MCPH1: variants seen among roughly 807,000 people sequenced by gnomAD.
MCPH1 encodes microcephalin.
A neutral mutation model predicts 84.5 loss-of-function variants in MCPH1; 104 were observed. That is an observed-to-expected ratio of 1.23 (90% CI 1.05 to 1.45). The LOEUF (loss-of-function observed/expected upper bound fraction) is 1.45. Ranked by LOEUF, MCPH1 falls within the 40% of genes most tolerant of loss-of-function variation. The probability of loss-of-function intolerance (pLI) is 0.00; values close to 1 mark genes in which losing one functional copy is unlikely to be tolerated. For synonymous variants in MCPH1, 514 were observed against 366.8 expected, an observed-to-expected ratio of 1.40 and a Z score of -4.58; for missense variants, 1,498 against 1,005.7, an observed-to-expected ratio of 1.49 and a Z score of -6.62.
rs184978647 is a variant in MCPH1 at position 6,526,827 on chromosome 8, C to G, written c.2214+26898C>G. 1.4e-3 allele frequency among the ~76,000 whole-genome samples: 219 copies of G among 152,318 alleles called. 2 individuals carry two copies. Among genetic ancestry groups the G allele is most frequent in the East Asian group, 1.5e-3 (8 of 5,192 alleles). Reference sequence around the variant, plus strand: ...CCAGGTATGTGCATAAAATTATCCTCTTTTGTCCCAAGTGGAACAGACATA... The same window carrying G: ...CCAGGTATGTGCATAAAATTATCCTGTTTTGTCCCAAGTGGAACAGACATA... On this transcript the variant is annotated intron_variant, in intron 12 of 13. Transcript: ENST00000344683.
At chr8:6,632,431 A>T (rs1284480516) in intron 13 of MCPH1, among the ~76,000 whole-genome samples, 1 of 152,226 alleles carries the variant, frequency 6.6e-6, no homozygotes, top group Non-Finnish European at 1.5e-5. Flanking sequence ...ACAGGAAAAA[A>T]AAAGAAATCT....
intron 12 of MCPH1, among the ~76,000 whole-genome samples, chr8:6,503,902 G>T (rs1373579810): frequency 6.6e-6 from 1 of 152,180 alleles, no homozygotes; most frequent in Non-Finnish European, 1.5e-5. Flanking sequence ...ACAGGAGCAT[G>T]CTGGGGTTTG....
chr8:6,505,447 A>C lies in MCPH1; in HGVS notation c.2214+5518A>C, dbSNP rs1449726272. On this transcript the variant is annotated intron_variant, in intron 12 of 13. Coordinates refer to ENST00000344683, the MANE Select transcript of MCPH1 (RefSeq NM_024596.5). ...TAAAGAATATATATATTCTTTATATACATATAGAATATATATATTCTTTAC... is the reference window on the plus strand; with the variant it reads ...TAAAGAATATATATATTCTTTATATCCATATAGAATATATATATTCTTTAC... Among the ~76,000 whole-genome samples, 10 of 84,262 alleles carry C rather than the reference A, an allele frequency of 1.2e-4. No individual in the cohort carries two copies. The Admixed American group carries it at 1.3e-3, about 11-fold the overall frequency. The allele number at this position is 84,262 out of a possible 152,430, so 55.3% of individuals were successfully genotyped here. A position where few individuals can be genotyped will look rare whatever the true frequency, so the allele number is the denominator to read the frequency against.
intron 12 of MCPH1, among the ~76,000 whole-genome samples, chr8:6,551,555 T>G (rs1162924667): frequency 6.6e-6 from 1 of 152,206 alleles, no homozygotes; most frequent in Non-Finnish European, 1.5e-5. Context: ...CTGATTAGTC[T>G]TAATTTTTTT....
At chr8:6,453,625 G>A (rs573329625) in intron 8 of MCPH1, among the ~76,000 whole-genome samples, 1 of 152,098 alleles carries the variant, frequency 6.6e-6, no homozygotes. Context: ...CTGCTTTTCC[G>A]ATTTTGACAC....
intron 12 of MCPH1, among the ~76,000 whole-genome samples, chr8:6,506,976 C>T (rs925088659): frequency 2.0e-5 from 3 of 151,950 alleles, no homozygotes; most frequent in African/African-American, 7.3e-5. Flanking sequence ...CGGCTCATTG[C>T]AAACTCTGTC....
chr8:6,577,125 G>A (rs1827190994), intron 12 of MCPH1, among the ~76,000 whole-genome samples: 1 of 152,180 alleles, frequency 6.6e-6, no homozygotes, highest in Admixed American at 6.5e-5. Context: ...GGAGGCCAGG[G>A]TGCTGTGAAC....
In MCPH1 at chr8:6,530,883, A is replaced by G. The variant is rs143964582; in HGVS notation, c.2214+30954A>G. Among the ~76,000 whole-genome samples, 49 of 152,328 alleles carry G rather than the reference A, an allele frequency of 3.2e-4. No homozygotes were observed. The East Asian group carries it at 8.7e-3, about 27-fold the overall frequency. The stretch of plus-strand genomic sequence containing the variant: ...GAGTCTTACGAGAGTGGCAGGGCTT[A>G]TGGCATCTCCCCTCTCATGTCCTCT... On this transcript the variant is annotated intron_variant, in intron 12 of 13. Transcript: ENST00000344683.
At chr8:6,480,226 C>G (rs764626512) in intron 10 of MCPH1, among the ~76,000 whole-genome samples, 1 of 151,918 alleles carries the variant, frequency 6.6e-6, no homozygotes, top group Non-Finnish European at 1.5e-5. Context: ...CGGATTCAAG[C>G]TATTCTGTCT....
intron 13 of MCPH1, among the ~76,000 whole-genome samples, chr8:6,630,195 C>CA (rs2129582084): frequency 6.6e-6 from 1 of 152,090 alleles, no homozygotes; most frequent in South Asian, 2.1e-4. Flanking sequence ...TCAGCAATAG[C>CA]AAAAAACTGA....
intron 9 of MCPH1, among the ~76,000 whole-genome samples, chr8:6,457,572 T>C (rs1402075957): frequency 1.3e-5 from 2 of 151,992 alleles, no homozygotes; most frequent in Admixed American, 1.3e-4. Context: ...GCCACTGCAC[T>C]CCAGCCTGGG....
At chr8:6,500,044 T>C (rs1190445252) in intron 12 of MCPH1, 115 bp downstream of exon 12, 6 of 849,362 alleles carry the variant, frequency 7.1e-6, no homozygotes, top group South Asian at 5.5e-5. Flanking sequence ...ATGCCCATAA[T>C]TAAAAAGACA....
At chr8:6,418,706 C>T (rs542359646) in intron 3 of MCPH1, among the ~76,000 whole-genome samples, 7 of 152,138 alleles carry the variant, frequency 4.6e-5, no homozygotes, top group Admixed American at 6.5e-5. Context: ...CTCAGCCTCC[C>T]GAGTAGCTGG....
chr8:6,466,114 C>G (rs1356331373), intron 9 of MCPH1, among the ~76,000 whole-genome samples: 1 of 147,648 alleles, frequency 6.8e-6, no homozygotes, highest in African/African-American at 2.5e-5. Context: ...GCCACTACAC[C>G]TGGCTAATTT....
intron 12 of MCPH1, among the ~76,000 whole-genome samples, chr8:6,587,282 A>C (rs1828067346): frequency 6.6e-6 from 1 of 152,278 alleles, no homozygotes; most frequent in East Asian, 1.9e-4. Flanking sequence ...GCCATGTTGA[A>C]TTCCAACTGG....
chr8:6,536,420 A>G (rs1049741382), intron 12 of MCPH1, among the ~76,000 whole-genome samples: 2 of 152,046 alleles, frequency 1.3e-5, no homozygotes, highest in Admixed American at 1.3e-4. Context: ...CCAAAGTGAT[A>G]TATCTCAAAA....
intron 9 of MCPH1, among the ~76,000 whole-genome samples, chr8:6,468,454 G>T (rs2440399): frequency 0.65 from 98,290 of 151,986 alleles, 35,734 homozygotes; most frequent in Non-Finnish European, 0.81. Flanking sequence ...GTGAAAATAA[G>T]ATCTAACATT....
chr8:6,464,931 A>G (rs531893800), intron 9 of MCPH1, among the ~76,000 whole-genome samples: 8 of 152,170 alleles, frequency 5.3e-5, no homozygotes, highest in African/African-American at 1.9e-4. Context: ...CCCAGGAGGT[A>G]GAGGTTGCAG....
At chr8:6,473,320 C>CTTTTTTTTTTTT (rs56077837) in intron 9 of MCPH1, among the ~76,000 whole-genome samples, 1 of 76,396 alleles carries the variant, frequency 1.3e-5, no homozygotes, top group African/African-American at 5.3e-5. Context: ...TCTCTCAATC[C>CTTTTTTTTTTTT]TTTTTTTTTT....
Sources: allele counts gnomAD v4.1 joint callset (sites outside exome capture counted in the v4.1 genomes callset), GRCh38; gene constraint gnomAD v4.1.1; transcripts MANE v1.5; gene names NCBI Gene and HGNC (gene_info 2026-07-23, HGNC 2026-07-21).